Variants in MRPS9 observed in about 807,000 individuals in gnomAD.
The protein encoded by MRPS9 is small ribosomal subunit protein uS9m.
A neutral mutation model predicts 59.9 loss-of-function variants in MRPS9; 45 were observed. That is an observed-to-expected ratio of 0.75 (90% CI 0.59 to 0.96). The LOEUF is 0.96. Among genes scored for constraint, MRPS9 ranks in the 40% least tolerant of loss-of-function variants. The pLI, the probability that MRPS9 is intolerant of heterozygous loss-of-function variation, is 0.00. For synonymous variants in MRPS9, 171 were observed against 166.8 expected (o/e 1.03, Z -0.19); for missense variants, 473 against 481.1 (o/e 0.98, Z 0.16).
At chr2:105,096,517 G>A (rs534866769) in intron 9 of MRPS9, among the ~76,000 whole-genome samples, 2 of 152,062 alleles carry the variant, frequency 1.3e-5, no homozygotes, top group African/African-American at 4.8e-5. Flanking sequence ...GGCCCTGACC[G>A]ACCCTGAAAG....
In MRPS9 at chr2:105,072,249, G is replaced by A. The variant is rs541454108; in HGVS notation, c.409+760G>A. On this transcript the variant is annotated intron_variant, in intron 4 of 10. Coordinates refer to ENST00000258455, the MANE Select transcript of MRPS9 (RefSeq NM_182640.3). ...GTTTTGAGTGTGTCTGCTGCTCCCC[G>A]TTGCTTTTATGTAACCATGCTGCTG... Among the ~76,000 whole-genome samples the A allele has an allele frequency of 7.9e-5, 12 of 152,234 alleles. No individual in the cohort carries two copies. The East Asian group carries it at 9.7e-4, about 12-fold the overall frequency.
chr2:105,075,659 A>G (rs1680194849), intron 4 of MRPS9, among the ~76,000 whole-genome samples: 1 of 152,210 alleles, frequency 6.6e-6, no homozygotes, highest in African/African-American at 2.4e-5. Context: ...ACACTAGCAA[A>G]CCAAGTAAAG....
chr2:105,093,883 C>G (rs950130846), intron 9 of MRPS9, among the ~76,000 whole-genome samples: 4 of 152,138 alleles, frequency 2.6e-5, no homozygotes, highest in African/African-American at 9.7e-5. Context: ...GATCCTACTG[C>G]AGTTTGAGTA....
At chr2:105,086,661 G>A (rs746256883) in intron 5 of MRPS9, among the ~76,000 whole-genome samples, 1 of 152,118 alleles carries the variant, frequency 6.6e-6, no homozygotes, top group Admixed American at 6.5e-5. Flanking sequence ...TATATTCTTC[G>A]CTAGTTTGAA....
In MRPS9 at chr2:105,038,158, T is replaced by C; in HGVS notation, c.66T>C (p.Gly22=). ...VSYRLLLWGR[G]SLARKQGLWK... is the part of the protein sequence containing the mutation. The stretch of plus-strand genomic sequence containing the variant: ...ACCGGCTTCTTCTCTGGGGTAGGGG[T>C]AGCCTCGCCCGGAAGCAAGGCCTCT... Residue 22 remains glycine, a synonymous_variant, in exon 1 of 11, where the codon GGT becomes GGC. Transcript: ENST00000258455. 6.2e-7 allele frequency: 1 copy of C among 1,612,972 alleles called. No homozygotes were observed. Among genetic ancestry groups the C allele is most frequent in the Non-Finnish European group, 8.5e-7 (1 of 1,179,696 alleles).
At chr2:105,055,646 T>A (rs894080750) in intron 2 of MRPS9, among the ~76,000 whole-genome samples, 2 of 152,192 alleles carry the variant, frequency 1.3e-5, no homozygotes, top group Non-Finnish European at 2.9e-5. Flanking sequence ...TTGTGGCACC[T>A]GAGTAGATGT....
At chr2:105,068,144 C>G (rs988114093) in intron 2 of MRPS9, among the ~76,000 whole-genome samples, 2 of 152,150 alleles carry the variant, frequency 1.3e-5, no homozygotes, top group African/African-American at 2.4e-5. Context: ...ATGTAGAAAC[C>G]AGTTGACCCT....
chr2:105,054,050 G>T (rs889971746), intron 2 of MRPS9, among the ~76,000 whole-genome samples: 1 of 152,116 alleles, frequency 6.6e-6, no homozygotes, highest in Admixed American at 6.5e-5. Context: ...TAGTTGAAAT[G>T]ATCTTGTAGA....
chr2:105,053,983 C>G (rs1404565104), intron 2 of MRPS9, among the ~76,000 whole-genome samples: 1 of 152,078 alleles, frequency 6.6e-6, no homozygotes, highest in Non-Finnish European at 1.5e-5. Flanking sequence ...AAATGCAGAA[C>G]ATACAGAAAG....
At chr2:105,096,928 G>T in intron 9 of MRPS9, 1 of 348,420 alleles carries the variant, frequency 2.9e-6, no homozygotes, top group Non-Finnish European at 5.0e-6. Context: ...AGAGTGTGTT[G>T]CTATACCCAA....
chr2:105,047,120 A>G (rs1679607735), intron 1 of MRPS9, among the ~76,000 whole-genome samples: 1 of 152,024 alleles, frequency 6.6e-6, no homozygotes, highest in South Asian at 2.1e-4. Flanking sequence ...TGTCTATAAA[A>G]GAGCGGACCA....
chr2:105,090,145 ACAAAAAAAC>A (rs1443472560), intron 7 of MRPS9, 150 bp downstream of exon 7: 1 of 482,070 alleles, frequency 2.1e-6, no homozygotes, highest in Non-Finnish European at 3.7e-6. Context: ...ACAAAACAAA[ACAAAAAAAC>A]AAAACACATT....
chr2:105,098,803 G>A (rs1680727615), intron 10 of MRPS9, among the ~76,000 whole-genome samples: 1 of 152,180 alleles, frequency 6.6e-6, no homozygotes, highest in African/African-American at 2.4e-5. Context: ...CGTTGGAAGA[G>A]TGAAAAAGAC....
chr2:105,046,541 C>T (rs895100239), intron 1 of MRPS9, among the ~76,000 whole-genome samples: 3 of 152,116 alleles, frequency 2.0e-5, no homozygotes, highest in African/African-American at 4.8e-5. Context: ...TCCTGGACAT[C>T]TGTCTTCCTG....
At chr2:105,051,364 T>C (rs1679708060) in intron 2 of MRPS9, among the ~76,000 whole-genome samples, 1 of 152,226 alleles carries the variant, frequency 6.6e-6, no homozygotes, top group Admixed American at 6.5e-5. Flanking sequence ...TGAGGGCTTA[T>C]TTCTGGACCT....
intron 1 of MRPS9, among the ~76,000 whole-genome samples, chr2:105,043,776 A>G (rs1276247619): frequency 1.3e-5 from 2 of 151,306 alleles, no homozygotes; most frequent in African/African-American, 4.9e-5. Context: ...CTGGGATTAC[A>G]GGTGCCCACC....
intron 7 of MRPS9, chr2:105,091,375 A>C (rs1386950448): frequency 2.1e-6 from 1 of 471,018 alleles, no homozygotes; most frequent in Non-Finnish European, 4.4e-6. Context: ...AGCTGAGCAC[A>C]GAACGCCCAG....
intron 4 of MRPS9, among the ~76,000 whole-genome samples, chr2:105,078,786 G>A (rs1049402383): frequency 2.0e-5 from 3 of 152,060 alleles, no homozygotes; most frequent in African/African-American, 7.2e-5. Flanking sequence ...AATAGTTCTT[G>A]GATTTCTGCC....
At chr2:105,059,917 A>T (rs1020363605) in intron 2 of MRPS9, among the ~76,000 whole-genome samples, 3 of 145,682 alleles carry the variant, frequency 2.1e-5, no homozygotes, top group African/African-American at 7.6e-5. Flanking sequence ...TCCCCCAGTG[A>T]TTTTCTGGTT....
Sources: gnomAD v4.1 joint callset for allele counts (sites outside exome capture counted in the v4.1 genomes callset) on GRCh38, gnomAD v4.1.1 for gene constraint, MANE v1.5 for transcripts, NCBI Gene and HGNC (gene_info 2026-07-23, HGNC 2026-07-21) for gene names.